Variants in CSNK1G1 observed in about 807,000 individuals in gnomAD.
CSNK1G1 encodes casein kinase 1 gamma 1, also known as casein kinase I isoform gamma-1.
Under a neutral mutation model 59.6 loss-of-function variants are expected in CSNK1G1, and 22 were observed. That is an observed-to-expected ratio of 0.37 (90% CI 0.26 to 0.53). The LOEUF (loss-of-function observed/expected upper bound fraction) is 0.53. Ranked by LOEUF, CSNK1G1 falls within the 20% of genes least tolerant of loss-of-function variation. CSNK1G1 has a pLI of 0.89. For missense variants in CSNK1G1, 384 were observed against 519.5 expected (o/e 0.74, Z 2.54); for synonymous variants, 179 against 177.1 (o/e 1.01, Z -0.08).
intron 1 of CSNK1G1, among the ~76,000 whole-genome samples, chr15:64,312,826 G>A (rs1242626386): frequency 5.9e-5 from 9 of 152,150 alleles, no homozygotes; most frequent in African/African-American, 1.9e-4. Flanking sequence ...GCAACCTACA[G>A]AATGGGAGAA....
At chr15:64,187,967 C>A (rs934614083) in intron 10 of CSNK1G1, among the ~76,000 whole-genome samples, 3 of 152,170 alleles carry the variant, frequency 2.0e-5, no homozygotes, top group African/African-American at 7.2e-5. Flanking sequence ...TCAGCTTATG[C>A]GTTAAGGCAC....
intron 2 of CSNK1G1, among the ~76,000 whole-genome samples, chr15:64,288,578 G>C (rs1377054639): frequency 1.3e-5 from 2 of 151,868 alleles, no homozygotes; most frequent in African/African-American, 4.8e-5. Flanking sequence ...GTATGTGTGT[G>C]TGTGTTTGTG....
At chr15:64,329,127 T>G (rs1896993044) in intron 1 of CSNK1G1, among the ~76,000 whole-genome samples, 1 of 151,152 alleles carries the variant, frequency 6.6e-6, no homozygotes, top group Non-Finnish European at 1.5e-5. Context: ...AGACAGAAAG[T>G]CAACAAGGAT....
chr15:64,327,286 T>C lies in CSNK1G1; in HGVS notation c.-224-26563A>G, dbSNP rs578196387. On this transcript the variant is annotated intron_variant, in intron 1 of 11. Transcript: ENST00000303052. ...CTTAAATGTCCCTGTCTGACAGCTT[T>C]GAAGAGAGCAGTGGTTCTCCCAGCA... Among the ~76,000 whole-genome samples, 1,443 of 150,292 alleles carry C rather than the reference T, an allele frequency of 9.6e-3. 9 individuals carry two copies. Among genetic ancestry groups the C allele is most frequent in the Middle Eastern group, 0.028 (8 of 288 alleles).
chr15:64,243,323 G>A (rs146792595), intron 4 of CSNK1G1, among the ~76,000 whole-genome samples: 2,178 of 151,968 alleles, frequency 0.014, 32 homozygotes, highest in Middle Eastern at 0.041. Flanking sequence ...GAGACAGAGC[G>A]AGACTCCATC....
At chr15:64,201,775 T>C (rs1333342892) in intron 10 of CSNK1G1, among the ~76,000 whole-genome samples, 1 of 151,808 alleles carries the variant, frequency 6.6e-6, no homozygotes, top group Non-Finnish European at 1.5e-5. Context: ...TTAACCTATA[T>C]ACTTGCACAT....
chr15:64,342,955 CGCT>C (rs531910135), intron 1 of CSNK1G1, among the ~76,000 whole-genome samples: 1 of 151,808 alleles, frequency 6.6e-6, no homozygotes, highest in South Asian at 2.1e-4. Context: ...TTCCAGGAGA[CGCT>C]GCTGCTGCTG....
intron 6 of CSNK1G1, 67 bp downstream of exon 6, chr15:64,213,822 TA>T: frequency 9.4e-7 from 1 of 1,064,596 alleles, no homozygotes; most frequent in Non-Finnish European, 1.4e-6. Flanking sequence ...ACAATGGGGA[TA>T]TAATGTTACA....
At chr15:64,263,312 T>A (rs919757158) in intron 2 of CSNK1G1, among the ~76,000 whole-genome samples, 8 of 151,818 alleles carry the variant, frequency 5.3e-5, no homozygotes, top group African/African-American at 1.9e-4. Flanking sequence ...CCTCAGCCTC[T>A]GGAGCGGCTA....
intron 4 of CSNK1G1, among the ~76,000 whole-genome samples, chr15:64,237,292 C>A (rs1201658564): frequency 2.0e-5 from 3 of 152,130 alleles, no homozygotes; most frequent in African/African-American, 4.8e-5. Context: ...AACAGGAAGA[C>A]AAAATAACTT....
Position 64,205,564 on chromosome 15 carries a change from T to C in CSNK1G1, c.766-615A>G, listed in dbSNP as rs374269090. On this transcript the variant is annotated intron_variant, in intron 7 of 11. Coordinates refer to ENST00000303052, the MANE Select transcript of CSNK1G1 (RefSeq NM_022048.5). ...CTATAGCCAGAGGGCTTCTGAACCC[T>C]GGATCAACAGTGGGCTCCTAGGGAA... Among the ~76,000 whole-genome samples, 26 of 152,342 alleles carry C rather than the reference T, an allele frequency of 1.7e-4. No individual in the cohort carries two copies. In the East Asian group the frequency reaches 1.9e-3, roughly 11 times the overall value.
chr15:64,188,374 C>A lies in CSNK1G1; in HGVS notation c.1108-7920G>T. 1 of 1,534,094 alleles carries A rather than the reference C, an allele frequency of 6.5e-7. No homozygotes were observed. The highest frequency in any genetic ancestry group is 1.7e-4 in the Middle Eastern group (1 of 5,988). ...GAAAAGGCAATAAAGGCAGTAAATA[C>A]CTGCACTGATCCCCCATGGCGGTCT... On this transcript the variant is annotated intron_variant, in intron 10 of 11. Coordinates refer to ENST00000303052, the MANE Select transcript of CSNK1G1 (RefSeq NM_022048.5). The surrounding 1 kb of genome is among the most constrained non-coding windows in gnomAD (Gnocchi z 4.2).
chr15:64,325,635 C>T (rs1896797648), intron 1 of CSNK1G1, among the ~76,000 whole-genome samples: 1 of 152,176 alleles, frequency 6.6e-6, no homozygotes, highest in African/African-American at 2.4e-5. Flanking sequence ...ACTATTATAA[C>T]TTTAGGCCTT....
intron 2 of CSNK1G1, among the ~76,000 whole-genome samples, chr15:64,264,610 G>A (rs2140338540): frequency 6.6e-6 from 1 of 152,242 alleles, no homozygotes; most frequent in Middle Eastern, 3.4e-3. Flanking sequence ...GAAAACAGAG[G>A]CACAAATCGT....
At chr15:64,244,006 TA>T (rs1891618407) in intron 4 of CSNK1G1, among the ~76,000 whole-genome samples, 1 of 151,256 alleles carries the variant, frequency 6.6e-6, no homozygotes, top group South Asian at 2.1e-4. Context: ...CCGTCTCTAC[TA>T]AAAATACAAA....
At chr15:64,251,374 ATGTTT>A in intron 4 of CSNK1G1, 133 bp downstream of exon 4, 1 of 591,460 alleles carries the variant, frequency 1.7e-6, no homozygotes. Flanking sequence ...GTGGTTGACT[ATGTTT>A]ATTTACCTAT....
chr15:64,298,525 AC>A (rs76723581), intron 2 of CSNK1G1, among the ~76,000 whole-genome samples: 7,248 of 152,284 alleles, frequency 0.048, 181 homozygotes, highest in South Asian at 0.078. Flanking sequence ...GGCTTTGGTA[AC>A]CCGAACACAA....
chr15:64,305,797 C>T (rs560689798), intron 1 of CSNK1G1, among the ~76,000 whole-genome samples: 2 of 127,008 alleles, frequency 1.6e-5, no homozygotes, highest in African/African-American at 5.7e-5. Context: ...ACAAATAAAT[C>T]AATGGAACAG....
At chr15:64,346,006 G>T (rs1444162639) in intron 1 of CSNK1G1, among the ~76,000 whole-genome samples, 1 of 150,772 alleles carries the variant, frequency 6.6e-6, no homozygotes, top group African/African-American at 2.4e-5. Context: ...GGCCAGGATG[G>T]TCTTGATCTT....
Sources: allele counts gnomAD v4.1 joint callset (sites outside exome capture counted in the v4.1 genomes callset), GRCh38; gene constraint gnomAD v4.1.1; non-coding constraint Gnocchi (gnomAD v3.1); transcripts MANE v1.5; gene names NCBI Gene and HGNC (gene_info 2026-07-23, HGNC 2026-07-21).